Variants in PVT1 observed in about 807,000 individuals in gnomAD.
The protein encoded by PVT1 is Pvt1 oncogene, also known as CXCR4/PVT1 fusion.
chr8:128,043,644 C>T (rs569773752), intron 4 of PVT1, among the ~76,000 whole-genome samples: 1 of 152,208 alleles, frequency 6.6e-6, no homozygotes, highest in South Asian at 2.1e-4. Context: ...TGGGGGAAAT[C>T]AAGTATTTCA....
intron 3 of PVT1, chr8:127,984,144 G>T (rs769850273): frequency 3.3e-5 from 5 of 152,144 alleles, no homozygotes; most frequent in Non-Finnish European, 7.3e-5. Flanking sequence ...CTTTCAACGT[G>T]CTGGGATTAC....
At chr8:127,867,320 A>T (rs936682693) in intron 2 of PVT1, among the ~76,000 whole-genome samples, 8 of 152,126 alleles carry the variant, frequency 5.3e-5, no homozygotes, top group African/African-American at 1.7e-4. Flanking sequence ...TGCAAAGGAG[A>T]CCCATCAGCT....
At position 127,899,371 on chromosome 8, in the gene PVT1, T is replaced by A. The variant is rs141714723; in HGVS notation, n.782+8373T>A. ...TCTGAACATGATGCATAGTAAGCCCTGAATCTCATTTAAATTTGGAAGTCA... is the reference window on the plus strand; with the variant it reads ...TCTGAACATGATGCATAGTAAGCCCAGAATCTCATTTAAATTTGGAAGTCA... On this transcript the variant is annotated intron_variant and non_coding_transcript_variant, in intron 3 of 10. Coordinates refer to ENST00000651587, the Ensembl canonical transcript of PVT1. Among the ~76,000 whole-genome samples the A allele has an allele frequency of 7.4e-3, 1,124 of 152,302 alleles. 14 individuals carry two copies. Among genetic ancestry groups the A allele is most frequent in the Non-Finnish European group, 9.1e-3 (617 of 68,020 alleles).
intron 3 of PVT1, among the ~76,000 whole-genome samples, chr8:127,906,235 G>A (rs528158784): frequency 5.3e-4 from 80 of 152,084 alleles, no homozygotes; most frequent in Non-Finnish European, 1.1e-3. Flanking sequence ...CAATTCCTTT[G>A]TCCTTGCTGA....
chr8:127,868,066 T>C (rs1190635306), intron 2 of PVT1, among the ~76,000 whole-genome samples: 3 of 152,254 alleles, frequency 2.0e-5, no homozygotes, highest in African/African-American at 7.2e-5. Context: ...GAAATAGATA[T>C]TTATTTTGCT....
intron 2 of PVT1, among the ~76,000 whole-genome samples, chr8:127,842,535 A>G (rs7814317): frequency 0.044 from 6,610 of 151,760 alleles, 516 homozygotes; most frequent in African/African-American, 0.15. Flanking sequence ...CAGCGAGTTG[A>G]GATTAAAGGT....
At chr8:128,014,068 T>C (rs1265647868) in intron 4 of PVT1, among the ~76,000 whole-genome samples, 3 of 152,146 alleles carry the variant, frequency 2.0e-5, no homozygotes, top group Non-Finnish European at 2.9e-5. Flanking sequence ...CAAGTGTTAG[T>C]AGGCCCTGCA....
chr8:127,888,574 G>T (rs1204782964), intron 2 of PVT1, among the ~76,000 whole-genome samples: 2 of 152,216 alleles, frequency 1.3e-5, no homozygotes, highest in African/African-American at 2.4e-5. Context: ...TGGATCATCT[G>T]GGTGAGCCCA....
intron 4 of PVT1, among the ~76,000 whole-genome samples, chr8:128,004,928 G>A (rs1161733645): frequency 1.3e-5 from 2 of 152,164 alleles, no homozygotes; most frequent in East Asian, 3.9e-4. Flanking sequence ...ATCACTTGAG[G>A]TTGGGAGTTC....
chr8:127,916,700 A>G (rs1168349812), intron 3 of PVT1, among the ~76,000 whole-genome samples: 2 of 152,176 alleles, frequency 1.3e-5, no homozygotes, highest in African/African-American at 4.8e-5. Flanking sequence ...GATCCAGGTG[A>G]GAAGCAGGGA....
At chr8:127,942,464 A>T (rs1010828233) in intron 3 of PVT1, among the ~76,000 whole-genome samples, 16 of 152,130 alleles carry the variant, frequency 1.1e-4, no homozygotes, top group African/African-American at 3.9e-4. Flanking sequence ...TTACATCTTC[A>T]TGCATTGAAA....
At chr8:128,087,628 A>C (rs1227112360) in intron 5 of PVT1, among the ~76,000 whole-genome samples, 1 of 152,122 alleles carries the variant, frequency 6.6e-6, no homozygotes, top group Non-Finnish European at 1.5e-5. Flanking sequence ...AACCCAAAGA[A>C]TGCCAGGGCT....
At chr8:127,877,953 A>G (rs1202546924) in intron 2 of PVT1, among the ~76,000 whole-genome samples, 1 of 151,966 alleles carries the variant, frequency 6.6e-6, no homozygotes, top group Non-Finnish European at 1.5e-5. Context: ...CCTCCCCCAC[A>G]AAAAACCTTA....
At position 127,935,609 on chromosome 8, in the gene PVT1, C is replaced by G. The variant is rs1044379344; in HGVS notation, n.782+44611C>G. 1.3e-4 allele frequency among the ~76,000 whole-genome samples: 20 copies of G among 152,078 alleles called. 1 individual carries two copies. Among genetic ancestry groups the G allele is most frequent in the Admixed American group, 9.2e-4 (14 of 15,260 alleles). Reference sequence around the variant, plus strand: ...TGTATTCAGGGGTCTGGTCCAAAGCCTAGAAGAAGGTGAGCCATGCGTGGC... The same window carrying G: ...TGTATTCAGGGGTCTGGTCCAAAGCGTAGAAGAAGGTGAGCCATGCGTGGC... On this transcript the variant is annotated intron_variant and non_coding_transcript_variant, in intron 3 of 10. Transcript: ENST00000651587.
chr8:128,035,183 T>C (rs1813446844), intron 4 of PVT1, among the ~76,000 whole-genome samples: 1 of 152,194 alleles, frequency 6.6e-6, no homozygotes, highest in South Asian at 2.1e-4. Flanking sequence ...TGTTGGCTAC[T>C]CTAGTCCTGC....
intron 2 of PVT1, among the ~76,000 whole-genome samples, chr8:127,881,605 C>T (rs1454815060): frequency 1.3e-5 from 2 of 151,560 alleles, no homozygotes; most frequent in African/African-American, 4.9e-5. Flanking sequence ...TACAGGTGCC[C>T]GCCACCACAC....
chr8:128,022,409 C>T (rs950912050), intron 4 of PVT1, among the ~76,000 whole-genome samples: 1 of 152,234 alleles, frequency 6.6e-6, no homozygotes, highest in Admixed American at 6.5e-5. Context: ...TAATTCAGTG[C>T]TATTTGCTTT....
At chr8:127,836,426 C>T (rs1814909583) in intron 2 of PVT1, among the ~76,000 whole-genome samples, 1 of 152,158 alleles carries the variant, frequency 6.6e-6, no homozygotes, top group Non-Finnish European at 1.5e-5. Context: ...GCCCAGCATG[C>T]ATTAGCTATT....
At chr8:127,845,404 G>T (rs1815020542) in intron 2 of PVT1, among the ~76,000 whole-genome samples, 1 of 152,164 alleles carries the variant, frequency 6.6e-6, no homozygotes, top group South Asian at 2.1e-4. Context: ...CAAGATACAG[G>T]AATGGCTCTC....
Sources: allele counts gnomAD v4.1 joint callset (sites outside exome capture counted in the v4.1 genomes callset), GRCh38; gene constraint gnomAD v4.1.1; transcripts MANE v1.5; gene names NCBI Gene and HGNC (gene_info 2026-07-23, HGNC 2026-07-21).